The following ABCA13 variants were observed in gnomAD, a reference collection of about 807,000 sequenced individuals.
ABCA13 encodes the protein ATP binding cassette subfamily A member 13.
ABCA13 carries 476 observed loss-of-function variants against 478.7 expected under a neutral mutation model. The ratio of observed to expected loss-of-function variants is 0.99; its 90% CI spans 0.92 to 1.07. ABCA13 has a LOEUF of 1.07. Ranked by LOEUF, ABCA13 falls within the 50% of genes least tolerant of loss-of-function variation. The probability of loss-of-function intolerance (pLI) is 0.00; values close to 1 mark genes in which losing one functional copy is unlikely to be tolerated. For missense variants in ABCA13, 6,060 were observed against 5,910.6 expected, an observed-to-expected ratio of 1.03 and a Z score of -0.83; for synonymous variants, 2,252 against 2,158.9, an observed-to-expected ratio of 1.04 and a Z score of -1.20.
intron 19 of ABCA13, among the ~76,000 whole-genome samples, chr7:48,287,074 AGGGAG>A (rs149342150): frequency 0.037 from 5,562 of 152,084 alleles, 302 homozygotes; most frequent in African/African-American, 0.12. Context: ...TCTGCGCAGC[AGGGAG>A]GGGAGGGGCT....
chr7:48,559,775 C>T (rs1300818304), intron 55 of ABCA13, among the ~76,000 whole-genome samples: 2 of 152,164 alleles, frequency 1.3e-5, no homozygotes, highest in African/African-American at 2.4e-5. Context: ...CTGGGGCCTT[C>T]CTTTCAAGGC....
intron 1 of ABCA13, among the ~76,000 whole-genome samples, chr7:48,182,252 A>G (rs1182185479): frequency 2.6e-5 from 4 of 152,208 alleles, no homozygotes; most frequent in Admixed American, 2.6e-4. Context: ...TCGATACCCT[A>G]ACGATTGGTG....
chr7:48,236,280 A>G (rs910421054), intron 8 of ABCA13, among the ~76,000 whole-genome samples: 8 of 152,188 alleles, frequency 5.3e-5, no homozygotes, highest in Non-Finnish European at 1.0e-4. Flanking sequence ...TATTTGGAGA[A>G]GCAGCTCTCT....
At chr7:48,595,115 A>C (rs1330068090) in intron 58 of ABCA13, among the ~76,000 whole-genome samples, 1 of 152,192 alleles carries the variant, frequency 6.6e-6, no homozygotes, top group Non-Finnish European at 1.5e-5. Flanking sequence ...TGAGTGCTAG[A>C]CTACCATTTT....
intron 35 of ABCA13, among the ~76,000 whole-genome samples, chr7:48,386,011 T>C (rs1245235638): frequency 6.6e-6 from 1 of 152,198 alleles, no homozygotes; most frequent in Non-Finnish European, 1.5e-5. Context: ...GAGTGTTTGT[T>C]TTTTGCTTAA....
chr7:48,454,887 G>A, intron 42 of ABCA13, 150 bp from the exon 43 acceptor site: 2 of 1,124,294 alleles, frequency 1.8e-6, no homozygotes, highest in Non-Finnish European at 1.2e-6. Context: ...GTGCATAAAG[G>A]GGACACTCAA....
intron 8 of ABCA13, 55 bp downstream of exon 8, chr7:48,234,206 T>C: frequency 6.2e-7 from 1 of 1,612,224 alleles, no homozygotes. Context: ...AGACTGGATC[T>C]AGAGCATGCT....
chr7:48,439,805 C>T (rs1433507), intron 42 of ABCA13, among the ~76,000 whole-genome samples: 45,229 of 151,874 alleles, frequency 0.3, 6,810 homozygotes, highest in East Asian at 0.38. Context: ...AACTGATTAG[C>T]GTTCTTAATG....
chr7:48,380,571 C>T (rs73697157), intron 35 of ABCA13, among the ~76,000 whole-genome samples: 3,670 of 152,258 alleles, frequency 0.024, 162 homozygotes, highest in African/African-American at 0.083. Context: ...TGCATTTGCA[C>T]GGCTGTGTGT....
intron 3 of ABCA13, among the ~76,000 whole-genome samples, chr7:48,209,684 A>T (rs1785373537): frequency 6.6e-6 from 1 of 152,196 alleles, no homozygotes; most frequent in South Asian, 2.1e-4. Flanking sequence ...ATGTTCATGG[A>T]TTGCAATAAT....
At chr7:48,491,890 A>G (rs1167879001) in intron 48 of ABCA13, among the ~76,000 whole-genome samples, 1 of 152,214 alleles carries the variant, frequency 6.6e-6, no homozygotes, top group Non-Finnish European at 1.5e-5. Context: ...CCATGAAAAC[A>G]GAAGCTGTGT....
intron 31 of ABCA13, among the ~76,000 whole-genome samples, chr7:48,358,994 GA>G (rs573455690): frequency 7.6e-4 from 116 of 152,040 alleles, no homozygotes; most frequent in Middle Eastern, 3.4e-3. Context: ...GAACTGGGAT[GA>G]AAAAACTGCA....
At chr7:48,186,996 T>C (rs1265308957) in intron 1 of ABCA13, among the ~76,000 whole-genome samples, 1 of 138,102 alleles carries the variant, frequency 7.2e-6, no homozygotes, top group Non-Finnish European at 1.6e-5. Flanking sequence ...TCTGTGTGTA[T>C]ATGCATATAT....
At chr7:48,521,738 A>T (rs1239742346) in intron 53 of ABCA13, among the ~76,000 whole-genome samples, 1 of 152,190 alleles carries the variant, frequency 6.6e-6, no homozygotes, top group Non-Finnish European at 1.5e-5. Context: ...AGTTGTAAGT[A>T]TAAGTTGAAT....
At chr7:48,471,669 C>T in intron 45 of ABCA13, 70 bp downstream of exon 45, 5 of 1,377,106 alleles carry the variant, frequency 3.6e-6, no homozygotes, top group Non-Finnish European at 4.9e-6. Flanking sequence ...TTTACCCTAT[C>T]TATAAAATTT....
intron 40 of ABCA13, among the ~76,000 whole-genome samples, chr7:48,410,977 C>CTT (rs770039676): frequency 1.1e-3 from 119 of 104,678 alleles, no homozygotes; most frequent in African/African-American, 3.6e-3. Context: ...AAATTCTTTT[C>CTT]TCTTTCTTTC....
rs1164576029 is a variant in ABCA13, at chr7:48,272,766, C to A, written c.3100C>A (p.Leu1034Ile). ...ISNVSYCQQL[L>I]SIFNFLELQA... ...TAATGTATCTTACTGTCAGCAATTGCTTTCAATTTTTAACTTTTTGGAGCT... is the reference window on the plus strand; with the variant it reads ...TAATGTATCTTACTGTCAGCAATTGATTTCAATTTTTAACTTTTTGGAGCT... The change falls in exon 17 of 62, where the codon CTT becomes ATT. Residue 1034 changes from leucine (L) to isoleucine (I), a missense_variant. By Grantham distance (5) the Leu-to-Ile change is conservative (BLOSUM62 2). Coordinates refer to ENST00000435803, the MANE Select transcript of ABCA13 (RefSeq NM_152701.5). 6.2e-7 allele frequency: 1 copy of A among 1,606,948 alleles called. No homozygotes were observed. The highest frequency in any genetic ancestry group is 8.5e-7 in the Non-Finnish European group (1 of 1,175,750).
chr7:48,432,781 G>C (rs535248911), intron 42 of ABCA13, among the ~76,000 whole-genome samples: 4 of 152,160 alleles, frequency 2.6e-5, no homozygotes, highest in African/African-American at 9.6e-5. Context: ...TGAAATCATA[G>C]AAATGGAGAG....
chr7:48,472,514 C>T (rs1016985346), intron 45 of ABCA13, among the ~76,000 whole-genome samples: 3 of 151,968 alleles, frequency 2.0e-5, no homozygotes, highest in Non-Finnish European at 4.4e-5. Context: ...TCTAGGGTGT[C>T]AAATGAAGTT....
Sources: gnomAD v4.1 joint callset for allele counts (sites outside exome capture counted in the v4.1 genomes callset) on GRCh38, gnomAD v4.1.1 for gene constraint, MANE v1.5 for transcripts, NCBI Gene and HGNC (gene_info 2026-07-23, HGNC 2026-07-21) for gene names.